TMA7B: variants seen among roughly 807,000 people sequenced by gnomAD.
TMA7B encodes the protein translation machinery-associated protein 7B.
the TMA7B span, among the ~76,000 whole-genome samples, chr22:39,961,447 G>A: frequency 6.6e-6 from 1 of 152,166 alleles, no homozygotes; most frequent in South Asian, 2.1e-4. Flanking sequence ...ATAGTTGTAG[G>A]CAGCTGAACA....
chr22:39,961,975 T>G, the TMA7B span, among the ~76,000 whole-genome samples: 1 of 152,274 alleles, frequency 6.6e-6, no homozygotes, highest in Non-Finnish European at 1.5e-5. Flanking sequence ...TCTTTAGCAT[T>G]GCCCTTGCAA....
chr22:39,963,257 C>T, the TMA7B span, among the ~76,000 whole-genome samples: 4 of 152,290 alleles, frequency 2.6e-5, no homozygotes, highest in African/African-American at 7.2e-5. Context: ...TGGAGTCCAG[C>T]GCCCTGAGTC....
the TMA7B span, chr22:39,964,515 C>A: frequency 1.0e-6 from 1 of 971,370 alleles, no homozygotes; most frequent in East Asian, 2.4e-5. Context: ...AAGCGAAGGT[C>A]GTGGGGAAGG....
the TMA7B span, among the ~76,000 whole-genome samples, chr22:39,962,117 C>A: frequency 5.3e-5 from 8 of 152,188 alleles, no homozygotes; most frequent in Non-Finnish European, 1.2e-4. Flanking sequence ...AAATTTCGCT[C>A]CATTAACATA....
At chr22:39,964,649 T>G in the TMA7B span, 1 of 606,616 alleles carries the variant, frequency 1.6e-6, no homozygotes, top group Non-Finnish European at 2.9e-6. Context: ...TATAATATCT[T>G]TTGCCACCTA....
At chr22:39,963,012 A>C in the TMA7B span, among the ~76,000 whole-genome samples, 2 of 152,150 alleles carry the variant, frequency 1.3e-5, no homozygotes, top group African/African-American at 4.8e-5. Flanking sequence ...TGAGTTCTAC[A>C]AAACAGTAGG....
chr22:39,964,391 G>T, the TMA7B span: 4 of 769,148 alleles, frequency 5.2e-6, no homozygotes, highest in Non-Finnish European at 9.0e-6. Context: ...AGCCACGAAG[G>T]TGGCAAGAAG....
the TMA7B span, chr22:39,964,680 C>A: frequency 8.5e-6 from 4 of 468,336 alleles, no homozygotes; most frequent in East Asian, 3.5e-5. Flanking sequence ...TAAGTGTCGT[C>A]TTGGAGCTGT....
the TMA7B span, among the ~76,000 whole-genome samples, chr22:39,963,388 G>A: frequency 1.3e-5 from 2 of 152,126 alleles, no homozygotes. Context: ...GAGTAAAAGG[G>A]TCAATGTTTC....
the TMA7B span, among the ~76,000 whole-genome samples, chr22:39,962,179 T>C: frequency 0.46 from 70,477 of 152,028 alleles, 17,693 homozygotes; most frequent in Middle Eastern, 0.61. Context: ...TCCCAGCACT[T>C]TGGGAGGCTG....
the TMA7B span, among the ~76,000 whole-genome samples, chr22:39,962,413 A>G: frequency 6.6e-6 from 1 of 152,188 alleles, no homozygotes; most frequent in Non-Finnish European, 1.5e-5. Context: ...TGACAGAGCA[A>G]GACCCTGTCT....
At chr22:39,961,399 C>CA in the TMA7B span, among the ~76,000 whole-genome samples, 1 of 152,220 alleles carries the variant, frequency 6.6e-6, no homozygotes, top group South Asian at 2.1e-4. Context: ...CTCAGCATGC[C>CA]AAGGGGTGTC....
chr22:39,964,375 A>G, the TMA7B span: 143 of 734,448 alleles, frequency 1.9e-4, 3 homozygotes, highest in Middle Eastern at 1.4e-3. Flanking sequence ...GGCAGGCGCC[A>G]TGTCCAGCCA....
At chr22:39,960,734 G>C in the TMA7B span, 1 of 153,002 alleles carries the variant, frequency 6.5e-6, no homozygotes, top group African/African-American at 2.4e-5. Context: ...CTACAAGACA[G>C]GTTAACAAGA....
At chr22:39,962,500 G>A in the TMA7B span, among the ~76,000 whole-genome samples, 11 of 152,084 alleles carry the variant, frequency 7.2e-5, no homozygotes, top group African/African-American at 1.7e-4. Context: ...TTTAACATGC[G>A]TGTATATATA....
chr22:39,963,387 G>T, the TMA7B span, among the ~76,000 whole-genome samples: 1 of 152,004 alleles, frequency 6.6e-6, no homozygotes. Context: ...AGAGTAAAAG[G>T]GTCAATGTTT....
the TMA7B span, among the ~76,000 whole-genome samples, chr22:39,961,562 G>A: frequency 6.6e-6 from 1 of 152,174 alleles, no homozygotes; most frequent in Non-Finnish European, 1.5e-5. Context: ...TCACTAAGGT[G>A]CAGCAACCCA....
chr22:39,964,260 T>C, the TMA7B span: 2 of 616,058 alleles, frequency 3.2e-6, no homozygotes, highest in Admixed American at 5.8e-5. Context: ...CCATTTTCTC[T>C]AGCCCTGGTT....
At chr22:39,962,424 CAA>C in the TMA7B span, among the ~76,000 whole-genome samples, 2 of 151,436 alleles carry the variant, frequency 1.3e-5, no homozygotes, top group African/African-American at 4.9e-5. Context: ...GACCCTGTCT[CAA>C]GAGAAAAAAA....
Sources: allele counts gnomAD v4.1 joint callset (sites outside exome capture counted in the v4.1 genomes callset), GRCh38; gene constraint gnomAD v4.1.1; transcripts MANE v1.5; gene names NCBI Gene and HGNC (gene_info 2026-07-23, HGNC 2026-07-21).